Variants in SKAP2 observed in about 807,000 individuals in gnomAD.
SKAP2 encodes the protein src kinase-associated phosphoprotein 2.
A neutral mutation model predicts 54.9 loss-of-function variants in SKAP2; 28 were observed. That is an observed-to-expected ratio of 0.51 (90% CI 0.38 to 0.70). The LOEUF (loss-of-function observed/expected upper bound fraction) is 0.70. SKAP2 is among the 30% of genes least tolerant of loss of function. The pLI is 0.00. For missense variants in SKAP2, 356 were observed against 424.1 expected, an observed-to-expected ratio of 0.84 and a Z score of 1.41; for synonymous variants, 137 against 134.3, an observed-to-expected ratio of 1.02 and a Z score of -0.14.
chr7:26,771,062 T>G (rs1241206907), intron 4 of SKAP2, among the ~76,000 whole-genome samples: 1 of 152,224 alleles, frequency 6.6e-6, no homozygotes, highest in East Asian at 1.9e-4. Context: ...CTAGTTATGA[T>G]CTATAACACA....
intron 9 of SKAP2, among the ~76,000 whole-genome samples, chr7:26,721,090 T>C (rs1197003854): frequency 3.9e-5 from 6 of 152,202 alleles, no homozygotes; most frequent in Non-Finnish European, 5.9e-5. Flanking sequence ...TGTGGTTCTA[T>C]GAAAATTAAT....
At chr7:26,753,533 A>C (rs1427862877) in intron 4 of SKAP2, among the ~76,000 whole-genome samples, 10 of 152,210 alleles carry the variant, frequency 6.6e-5, no homozygotes, top group Admixed American at 6.5e-4. Flanking sequence ...AATCCCCAAA[A>C]TATAAATGAT....
At chr7:26,857,689 A>C in intron 1 of SKAP2, 10 of 985,424 alleles carry the variant, frequency 1.0e-5, no homozygotes, top group Non-Finnish European at 1.2e-5. Context: ...GAGCATGGAG[A>C]GCCGGGTCTG....
intron 9 of SKAP2, among the ~76,000 whole-genome samples, chr7:26,700,664 T>C (rs1315378420): frequency 1.3e-5 from 2 of 152,222 alleles, no homozygotes; most frequent in Non-Finnish European, 2.9e-5. Flanking sequence ...AGAGTCCGCC[T>C]AGCCTAGTCT....
intron 3 of SKAP2, among the ~76,000 whole-genome samples, chr7:26,847,031 T>C (rs1464440318): frequency 6.6e-6 from 1 of 152,122 alleles, no homozygotes; most frequent in Non-Finnish European, 1.5e-5. Context: ...TTGGGTTATA[T>C]ATTAAAATGA....
At chr7:26,803,832 C>A (rs1342578736) in intron 4 of SKAP2, among the ~76,000 whole-genome samples, 4 of 152,082 alleles carry the variant, frequency 2.6e-5, no homozygotes, top group African/African-American at 7.2e-5. Context: ...ATGGATGGAA[C>A]TGGAAATCAT....
rs183156052 is a variant in SKAP2 at position 26,836,420 on chromosome 7, G to T, written c.307+7610C>A. Among the ~76,000 whole-genome samples the T allele has an allele frequency of 2.6e-4, 40 of 152,090 alleles. No individual in the cohort carries two copies. The East Asian group carries it at 7.4e-3, about 28-fold the overall frequency. On this transcript the variant is annotated intron_variant, in intron 4 of 12. Coordinates refer to ENST00000345317, the MANE Select transcript of SKAP2 (RefSeq NM_003930.5). ...AGTGAACAGGCAACCTACAGAATGG[G>T]AGAAAAATTTTGCAATCTATCCATC...
At chr7:26,722,201 C>T (rs1244601001) in intron 9 of SKAP2, among the ~76,000 whole-genome samples, 5 of 152,104 alleles carry the variant, frequency 3.3e-5, no homozygotes, top group African/African-American at 1.2e-4. Context: ...ATCCCTTAAA[C>T]ACAAAGAAGT....
intron 3 of SKAP2, among the ~76,000 whole-genome samples, chr7:26,849,371 C>G (rs995703387): frequency 1.4e-4 from 21 of 152,072 alleles, no homozygotes; most frequent in Non-Finnish European, 1.8e-4. Flanking sequence ...GCACCTGAAG[C>G]AGTATATTCC....
At chr7:26,849,870 T>C (rs1057116040) in intron 3 of SKAP2, among the ~76,000 whole-genome samples, 4 of 152,196 alleles carry the variant, frequency 2.6e-5, no homozygotes, top group Non-Finnish European at 5.9e-5. Flanking sequence ...CAAATGAAGT[T>C]GAATCTGAGA....
intron 4 of SKAP2, among the ~76,000 whole-genome samples, chr7:26,800,451 AAAGC>A (rs1202993206): frequency 6.6e-6 from 1 of 152,182 alleles, no homozygotes; most frequent in African/African-American, 2.4e-5. Flanking sequence ...AAGAACTTGA[AAAGC>A]AAGAGCAAAC....
chr7:26,666,348 TCTAA>T (rs1180756484), downstream of SKAP2, among the ~76,000 whole-genome samples: 4 of 152,160 alleles, frequency 2.6e-5, no homozygotes, highest in Non-Finnish European at 5.9e-5. Flanking sequence ...ATTCATAATA[TCTAA>T]CTCAGTTCTA....
intron 4 of SKAP2, among the ~76,000 whole-genome samples, chr7:26,842,733 T>G (rs1051745214): frequency 2.0e-5 from 3 of 151,978 alleles, no homozygotes; most frequent in Non-Finnish European, 2.9e-5. Flanking sequence ...AATAATTCAT[T>G]GTTTTGCCTG....
intron 3 of SKAP2, among the ~76,000 whole-genome samples, chr7:26,852,104 G>T (rs1449572481): frequency 6.6e-6 from 1 of 152,048 alleles, no homozygotes; most frequent in African/African-American, 2.4e-5. Context: ...GAGAAAGGAC[G>T]GGAAAGCAGC....
chr7:26,747,148 A>T (rs2391357), intron 4 of SKAP2, among the ~76,000 whole-genome samples: 7,369 of 152,242 alleles, frequency 0.048, 607 homozygotes, highest in African/African-American at 0.17. Flanking sequence ...TTACTTTAGC[A>T]TAGTCTTTTC....
chr7:26,754,360 T>TCA (rs59297270), intron 4 of SKAP2, among the ~76,000 whole-genome samples: 25 of 137,992 alleles, frequency 1.8e-4, no homozygotes, highest in South Asian at 2.3e-4. Flanking sequence ...TGAGACTCCG[T>TCA]CACACACACA....
At chr7:26,837,961 A>G (rs1027946668) in intron 4 of SKAP2, among the ~76,000 whole-genome samples, 2 of 152,192 alleles carry the variant, frequency 1.3e-5, no homozygotes, top group Admixed American at 1.3e-4. Context: ...CAGTTCTGCC[A>G]CTATGTAGCT....
chr7:26,821,587 C>T (rs3801821), intron 4 of SKAP2, among the ~76,000 whole-genome samples: 32,223 of 152,028 alleles, frequency 0.21, 3,468 homozygotes, highest in Non-Finnish European at 0.24. Context: ...TGATTTGCCA[C>T]ATCTCTATTC....
the SKAP2 span, among the ~76,000 whole-genome samples, chr7:26,661,741 A>C: frequency 6.6e-6 from 1 of 152,190 alleles, no homozygotes; most frequent in African/African-American, 2.4e-5. Flanking sequence ...AAATTATTTC[A>C]AGTAGTATTA....
Sources: allele counts gnomAD v4.1 joint callset (sites outside exome capture counted in the v4.1 genomes callset), GRCh38; gene constraint gnomAD v4.1.1; transcripts MANE v1.5; gene names NCBI Gene and HGNC (gene_info 2026-07-23, HGNC 2026-07-21).